Variants in ZNF560 observed in about 807,000 individuals in gnomAD.
ZNF560 encodes the protein zinc finger protein 560.
ZNF560 carries 54 observed loss-of-function variants against 81.8 expected under a neutral mutation model. That is an observed-to-expected ratio of 0.66 (90% CI 0.53 to 0.83). The LOEUF (loss-of-function observed/expected upper bound fraction) is 0.83, where lower values mean the gene tolerates loss of function less well. ZNF560 is among the 40% of genes least tolerant of loss of function. ZNF560 has a pLI of 0.00. For synonymous variants in ZNF560, 321 were observed against 317.9 expected, an observed-to-expected ratio of 1.01 and a Z score of -0.10; for missense variants, 940 against 932.4, an observed-to-expected ratio of 1.01 and a Z score of -0.11.
At position 9,467,814 on chromosome 19, in the gene ZNF560, C is replaced by CAT; in HGVS notation, c.1131_1132dup (p.Cys378TyrfsTer47). The CAT allele has an allele frequency of 6.2e-7, 1 of 1,614,156 alleles. No individual in the cohort carries two copies. The highest frequency in any genetic ancestry group is 8.5e-7 in the Non-Finnish European group (1 of 1,180,026). ...AGTGAAGGTTTTGCCACAGTGCTTA[C>CAT]ATTTATAAGGTTTTATCCCAATGTG... On this transcript the variant is annotated frameshift_variant, in exon 10 of 10. Transcript: ENST00000301480. LOFTEE classifies it high-confidence loss of function.
chr19:9,446,557 TA>T, the ZNF560 span, among the ~76,000 whole-genome samples: 1 of 152,206 alleles, frequency 6.6e-6, no homozygotes, highest in Non-Finnish European at 1.5e-5. Flanking sequence ...TGCCTTGGTA[TA>T]ATCCCCTCCT....
In ZNF560 at chr19:9,470,526, A is replaced by G; in HGVS notation, c.322-8T>C. 1 of 1,614,224 alleles carries G rather than the reference A, an allele frequency of 6.2e-7. No individual in the cohort carries two copies. The highest frequency in any genetic ancestry group is 8.5e-7 in the Non-Finnish European group (1 of 1,180,040). ...GTCAAAGGTTACCAGGTCCTAAACC[A>G]TCAGACACATGCTGATTTGAGCCAA... On this transcript the variant is annotated splice_polypyrimidine_tract_variant and splice_region_variant and intron_variant, in intron 6 of 9. Transcript: ENST00000301480.
downstream of ZNF560, among the ~76,000 whole-genome samples, chr19:9,466,220 C>G (rs1208448749): frequency 6.6e-6 from 1 of 151,732 alleles, no homozygotes; most frequent in African/African-American, 2.4e-5. Flanking sequence ...GTGGTGCATG[C>G]CTGTAATCCC....
intron 2 of ZNF560, among the ~76,000 whole-genome samples, chr19:9,485,829 C>A (rs1397826182): frequency 6.6e-6 from 1 of 152,142 alleles, no homozygotes; most frequent in Non-Finnish European, 1.5e-5. Context: ...AGCCACCATG[C>A]CCAGCCCCAA....
intron 2 of ZNF560, among the ~76,000 whole-genome samples, chr19:9,488,721 G>T (rs1348419188): frequency 6.6e-6 from 1 of 152,146 alleles, no homozygotes; most frequent in Admixed American, 6.5e-5. Context: ...GTTAACATTA[G>T]ATAGGCCCAA....
At chr19:9,489,397 AGACG>A (rs1434533350) in intron 2 of ZNF560, among the ~76,000 whole-genome samples, 1 of 151,784 alleles carries the variant, frequency 6.6e-6, no homozygotes, top group Non-Finnish European at 1.5e-5. Context: ...CTCACTTCCC[AGACG>A]GTGTGGTGGC....
rs2073084323 is a variant in ZNF560, at chr19:9,469,197, AAG to A, written c.530-12_530-11del. ...AGGCACATTTTCCATTCTGAAATAA[AAG>A]AGAAAAATATACATGAGAGTTTACA... On this transcript the variant is annotated splice_polypyrimidine_tract_variant and intron_variant, in intron 8 of 9. Coordinates refer to ENST00000301480, the MANE Select transcript of ZNF560 (RefSeq NM_152476.3). 1 of 1,573,440 alleles carries A rather than the reference AAG, an allele frequency of 6.4e-7. No individual in the cohort carries two copies. The highest frequency in any genetic ancestry group is 8.6e-7 in the Non-Finnish European group (1 of 1,161,862).
At chr19:9,470,263 A>G (rs2073100214) in intron 7 of ZNF560, 129 bp downstream of exon 7, 3 of 1,230,010 alleles carry the variant, frequency 2.4e-6, no homozygotes, top group South Asian at 3.2e-5. Flanking sequence ...TACTCATTAA[A>G]AAAAATTTTT....
At chr19:9,484,627 C>CAAAAAAAAA (rs60283585) in intron 2 of ZNF560, among the ~76,000 whole-genome samples, 3 of 79,734 alleles carry the variant, frequency 3.8e-5, no homozygotes, top group Non-Finnish European at 2.9e-5. Context: ...ACCGAAAATA[C>CAAAAAAAAA]AAAAAAAAAA....
At chr19:9,492,639 G>A (rs1465353285) in intron 2 of ZNF560, among the ~76,000 whole-genome samples, 1 of 152,176 alleles carries the variant, frequency 6.6e-6, no homozygotes, top group African/African-American at 2.4e-5. Flanking sequence ...CTAAATGAAA[G>A]GTGAAATAGC....
the ZNF560 span, among the ~76,000 whole-genome samples, chr19:9,447,257 A>G: frequency 6.6e-6 from 1 of 152,160 alleles, no homozygotes; most frequent in Admixed American, 6.5e-5. Context: ...TTAGAAGCAC[A>G]TTCTTCTATA....
the ZNF560 span, among the ~76,000 whole-genome samples, chr19:9,459,868 C>T: frequency 1.3e-5 from 2 of 152,074 alleles, no homozygotes; most frequent in African/African-American, 4.8e-5. Context: ...CATCCTTAGG[C>T]ACAGAGCTTG....
chr19:9,446,419 G>C, the ZNF560 span, among the ~76,000 whole-genome samples: 1 of 142,282 alleles, frequency 7.0e-6, no homozygotes, highest in Admixed American at 7.3e-5. Flanking sequence ...TAAAATATAG[G>C]ATGCATTCTC....
intron 2 of ZNF560, among the ~76,000 whole-genome samples, chr19:9,484,834 TAAAAAAAAGA>T (rs368754477): frequency 0.023 from 2,920 of 124,508 alleles, 94 homozygotes; most frequent in African/African-American, 0.079. Flanking sequence ...CTTTAAAAAA[TAAAAAAAAGA>T]AAAAAAAAGA....
the ZNF560 span, among the ~76,000 whole-genome samples, chr19:9,450,301 A>AG: frequency 6.6e-6 from 1 of 151,434 alleles, no homozygotes; most frequent in East Asian, 1.9e-4. Context: ...AAAAAAAAAA[A>AG]CTGAAAAAAG....
intron 3 of ZNF560, among the ~76,000 whole-genome samples, chr19:9,474,534 T>C (rs754890560): frequency 7.9e-5 from 12 of 152,352 alleles, no homozygotes; most frequent in Non-Finnish European, 1.5e-4. Context: ...ATGGCTTTAA[T>C]GGCACATCTC....
chr19:9,483,009 G>A (rs956284310), intron 2 of ZNF560, among the ~76,000 whole-genome samples: 17 of 152,160 alleles, frequency 1.1e-4, no homozygotes, highest in East Asian at 5.8e-4. Flanking sequence ...ATCTTGGCTC[G>A]CTACAACCTC....
chr19:9,500,159 G>A (rs1478931053), upstream of ZNF560, among the ~76,000 whole-genome samples: 1 of 152,014 alleles, frequency 6.6e-6, no homozygotes, highest in Non-Finnish European at 1.5e-5. Flanking sequence ...CGAGGTGGGT[G>A]GATCACCTGA....
chr19:9,505,894 C>A, the ZNF560 span, among the ~76,000 whole-genome samples: 1 of 151,996 alleles, frequency 6.6e-6, no homozygotes, highest in Non-Finnish European at 1.5e-5. Context: ...TAACTCCTGA[C>A]CTCATGTGAT....
Sources: allele counts gnomAD v4.1 joint callset (sites outside exome capture counted in the v4.1 genomes callset), GRCh38; gene constraint gnomAD v4.1.1; transcripts MANE v1.5; gene names NCBI Gene and HGNC (gene_info 2026-07-23, HGNC 2026-07-21).